The following SLC35F6 variants were observed in gnomAD, a reference collection of about 807,000 sequenced individuals.
The protein encoded by SLC35F6 is solute carrier family 35 member F6.
In SLC35F6, 26 loss-of-function variants were observed where a neutral mutation model predicts 29.4. That is an observed-to-expected ratio of 0.89 (90% CI 0.65 to 1.23). SLC35F6 has a LOEUF of 1.23. Ranked by LOEUF, SLC35F6 falls within the 50% of genes most tolerant of loss-of-function variation. The pLI is 0.00. For missense variants in SLC35F6, 428 were observed against 487.8 expected, an observed-to-expected ratio of 0.88 and a Z score of 1.15; for synonymous variants, 174 against 206.6, an observed-to-expected ratio of 0.84 and a Z score of 1.35.
intron 1 of SLC35F6, among the ~76,000 whole-genome samples, chr2:26,768,604 A>G (rs1460738189): frequency 1.3e-5 from 2 of 148,258 alleles, no homozygotes; most frequent in Non-Finnish European, 3.0e-5. Flanking sequence ...GACCTCGCCC[A>G]TCTCGGCCTC....
chr2:26,778,870 T>A lies in SLC35F6; in HGVS notation c.*359T>A. 1 of 233,806 alleles carries A rather than the reference T, an allele frequency of 4.3e-6. No homozygotes were observed. Among genetic ancestry groups the A allele is most frequent in the Non-Finnish European group, 8.3e-6 (1 of 120,300 alleles). The allele number at this position is 233,806 out of a possible 1,614,324, so 14.5% of individuals were successfully genotyped here. A position where few individuals can be genotyped will look rare whatever the true frequency, so the allele number is the denominator to read the frequency against. ...TCATAGTTATCTAGTTTATGAGTCATAAGCTAGATTTGATTCTTCAAAGAA... is the reference window on the plus strand; with the variant it reads ...TCATAGTTATCTAGTTTATGAGTCAAAAGCTAGATTTGATTCTTCAAAGAA... On this transcript the variant is annotated 3_prime_UTR_variant, in exon 6 of 6. Coordinates refer to ENST00000344420, the MANE Select transcript of SLC35F6 (RefSeq NM_017877.4).
rs537313579 is a variant in SLC35F6 at position 26,769,053 on chromosome 2, T to C, written c.77+4627T>C. Reference sequence around the variant, plus strand: ...GAGTGGAGAAGCCTTGGCCCTTCTGTAGGTCCCAGGCAGGAGAAAGAAGGG... The same window carrying C: ...GAGTGGAGAAGCCTTGGCCCTTCTGCAGGTCCCAGGCAGGAGAAAGAAGGG... On this transcript the variant is annotated intron_variant, in intron 1 of 5. Coordinates refer to ENST00000344420, the MANE Select transcript of SLC35F6 (RefSeq NM_017877.4). Among the ~76,000 whole-genome samples the C allele has an allele frequency of 9.2e-5, 14 of 152,162 alleles. 1 individual carries two copies. In the South Asian group the frequency reaches 2.9e-3, roughly 32 times the overall value.
intron 5 of SLC35F6, 68 bp downstream of exon 5, chr2:26,776,550 A>G: frequency 6.9e-7 from 1 of 1,440,650 alleles, no homozygotes; most frequent in African/African-American, 1.4e-5. Flanking sequence ...AGCACAGGAC[A>G]AGGTGCCAGG....
chr2:26,777,986 C>G, intron 5 of SLC35F6, 56 bp from the exon 6 acceptor site: 1 of 1,526,734 alleles, frequency 6.5e-7, no homozygotes, highest in Non-Finnish European at 8.9e-7. Context: ...AGCCGGTGGG[C>G]TGTGCTGGGG....
chr2:26,764,699 C>T, intron 1 of SLC35F6: 5 of 775,588 alleles, frequency 6.4e-6, no homozygotes, highest in Non-Finnish European at 7.8e-6. Flanking sequence ...TGGCCGATTC[C>T]TTTCCACGGC....
chr2:26,767,059 CT>C (rs1664108639), intron 1 of SLC35F6, among the ~76,000 whole-genome samples: 1 of 152,186 alleles, frequency 6.6e-6, no homozygotes, highest in African/African-American at 2.4e-5. Flanking sequence ...TGTGATTCAA[CT>C]GTTTGGTGTC....
At chr2:26,776,578 G>A (rs1275317752) in intron 5 of SLC35F6, 96 bp downstream of exon 5, 1 of 1,098,206 alleles carries the variant, frequency 9.1e-7, no homozygotes, top group African/African-American at 1.6e-5. Context: ...TGTGGGGGGT[G>A]AACTTCCTGC....
intron 2 of SLC35F6, among the ~76,000 whole-genome samples, 196 bp downstream of exon 2, chr2:26,774,519 G>T (rs567151752): frequency 6.6e-6 from 1 of 152,296 alleles, no homozygotes; most frequent in Admixed American, 6.5e-5. Context: ...CATCCTCTGC[G>T]AAAGTCCTGG....
At chr2:26,764,772 CT>C (rs1664064537) in intron 1 of SLC35F6, 1 of 984,478 alleles carries the variant, frequency 1.0e-6, no homozygotes, top group Non-Finnish European at 1.2e-6. Context: ...GACCCCTGGA[CT>C]TGTGCACATG....
chr2:26,778,687 C>T lies in SLC35F6; in HGVS notation c.*176C>T, dbSNP rs541909150. On this transcript the variant is annotated 3_prime_UTR_variant, in exon 6 of 6. Coordinates refer to ENST00000344420, the MANE Select transcript of SLC35F6 (RefSeq NM_017877.4). ...AACAACACCCAAGTCCTCTTTTTCT[C>T]ACTACCACCTGCAGGGTGGTGTTAC... 3 of 641,634 alleles carry T rather than the reference C, an allele frequency of 4.7e-6. No individual in the cohort carries two copies. The East Asian group carries it at 8.3e-5, about 18-fold the overall frequency. 39.7% of individuals were successfully genotyped at this position (641,634 alleles called of 1,614,324 possible). A position where few individuals can be genotyped will look rare whatever the true frequency, so the allele number is the denominator to read the frequency against.
rs889790302 is a variant in SLC35F6 at position 26,780,729 on chromosome 2, C to T, written c.*2218C>T. ...GTACTGTTGTCTTCTAGGTAACCAC[C>T]CTGAAGAGAAGGGGTGGCATCAGGA... On this transcript the variant is annotated 3_prime_UTR_variant, in exon 6 of 6. Transcript: ENST00000344420. 1.3e-5 allele frequency: 2 copies of T among 152,184 alleles called. No individual in the cohort carries two copies. The highest frequency in any genetic ancestry group is 2.9e-5 in the Non-Finnish European group (2 of 68,118). The allele number at this position is 152,184 out of a possible 1,614,324, so 9.4% of individuals were successfully genotyped here.
chr2:26,765,124 C>A, intron 1 of SLC35F6: 2 of 519,196 alleles, frequency 3.9e-6, no homozygotes, highest in Non-Finnish European at 5.0e-6. Context: ...AAGGCTGCTG[C>A]ATAGCAGATG....
chr2:26,777,152 T>C (rs1664317094), intron 5 of SLC35F6, among the ~76,000 whole-genome samples: 1 of 152,180 alleles, frequency 6.6e-6, no homozygotes, highest in Non-Finnish European at 1.5e-5. Flanking sequence ...CAAGCCGAGA[T>C]TGCGCCACCG....
At chr2:26,767,509 C>T (rs1664116419) in intron 1 of SLC35F6, among the ~76,000 whole-genome samples, 1 of 152,232 alleles carries the variant, frequency 6.6e-6, no homozygotes, top group Middle Eastern at 3.2e-3. Flanking sequence ...CTCTCTGCGG[C>T]CCCATCCCTG....
chr2:26,774,490 A>G (rs1664261250), intron 2 of SLC35F6, among the ~76,000 whole-genome samples, 167 bp downstream of exon 2: 1 of 152,236 alleles, frequency 6.6e-6, no homozygotes, highest in Non-Finnish European at 1.5e-5. Flanking sequence ...TCCAAGGTTT[A>G]GAATAGGGCA....
At chr2:26,771,106 A>G (rs576116878) in intron 1 of SLC35F6, among the ~76,000 whole-genome samples, 1 of 152,270 alleles carries the variant, frequency 6.6e-6, no homozygotes, top group South Asian at 2.1e-4. Context: ...ACCCGTGGAG[A>G]AAGCGAAGAC....
Position 26,778,620 on chromosome 2 carries a change from C to A in SLC35F6, c.*109C>A. 1 of 1,094,638 alleles carries A rather than the reference C, an allele frequency of 9.1e-7. No homozygotes were observed. Among genetic ancestry groups the A allele is most frequent in the Non-Finnish European group, 1.3e-6 (1 of 788,048 alleles). The allele number at this position is 1,094,638 out of a possible 1,614,324, so 67.8% of individuals were successfully genotyped here. A position where few individuals can be genotyped will look rare whatever the true frequency, so the allele number is the denominator to read the frequency against. On this transcript the variant is annotated 3_prime_UTR_variant, in exon 6 of 6. Transcript: ENST00000344420. ...CTATCCCCAAGGCCTCACCCTGTCC[C>A]CTCCCTGCAGAACCCCCAGGGCAGC...
intron 1 of SLC35F6, among the ~76,000 whole-genome samples, chr2:26,770,189 G>A (rs777626626): frequency 2.0e-5 from 3 of 152,170 alleles, no homozygotes; most frequent in Non-Finnish European, 4.4e-5. Context: ...TCAATCTCTT[G>A]AGGCCAGGAG....
At chr2:26,764,944 A>T in intron 1 of SLC35F6, 1 of 985,430 alleles carries the variant, frequency 1.0e-6, no homozygotes, top group South Asian at 4.7e-5. Context: ...TAAGTCAAGG[A>T]AAGTCTACGG....
Sources: gnomAD v4.1 joint callset for allele counts (sites outside exome capture counted in the v4.1 genomes callset) on GRCh38, gnomAD v4.1.1 for gene constraint, MANE v1.5 for transcripts, NCBI Gene and HGNC (gene_info 2026-07-23, HGNC 2026-07-21) for gene names.